Variants in RAB3GAP1 observed in about 807,000 individuals in gnomAD.
The protein encoded by RAB3GAP1 is rab3 GTPase-activating protein catalytic subunit.
In RAB3GAP1, 86 loss-of-function variants were observed where a neutral mutation model predicts 130.7. That is an observed-to-expected ratio of 0.66 (90% CI 0.55 to 0.79). The LOEUF is 0.79. Ranked by LOEUF, RAB3GAP1 falls within the 30% of genes least tolerant of loss-of-function variation. The probability of loss-of-function intolerance (pLI) is 0.00; values close to 1 mark genes in which losing one functional copy is unlikely to be tolerated. For missense variants in RAB3GAP1, 1,029 were observed against 1,169.4 expected, an observed-to-expected ratio of 0.88 and a Z score of 1.75; for synonymous variants, 367 against 401.7, an observed-to-expected ratio of 0.91 and a Z score of 1.03.
chr2:135,108,035 T>TGC (rs1690684618), intron 5 of RAB3GAP1, among the ~76,000 whole-genome samples: 1 of 150,816 alleles, frequency 6.6e-6, no homozygotes, highest in African/African-American at 2.4e-5. Flanking sequence ...TTTTATGATT[T>TGC]GCCTATGTGA....
At chr2:135,154,247 A>G (rs2104984199) in intron 19 of RAB3GAP1, among the ~76,000 whole-genome samples, 1 of 152,346 alleles carries the variant, frequency 6.6e-6, no homozygotes, top group Middle Eastern at 3.4e-3. Context: ...TCTTAAGTGA[A>G]AAAGTAGAAA....
chr2:135,131,197 A>G (rs985449725), intron 13 of RAB3GAP1, among the ~76,000 whole-genome samples: 3 of 152,116 alleles, frequency 2.0e-5, no homozygotes, highest in South Asian at 2.1e-4. Flanking sequence ...TAGAAGATCA[A>G]CATGATTAGA....
intron 3 of RAB3GAP1, among the ~76,000 whole-genome samples, chr2:135,060,420 T>G (rs189947665): frequency 0.02 from 3,032 of 151,732 alleles, 60 homozygotes; most frequent in Middle Eastern, 0.16. Flanking sequence ...CCACCACACC[T>G]GGCTAATTTT....
chr2:135,117,610 C>A (rs1451910690), intron 7 of RAB3GAP1, among the ~76,000 whole-genome samples: 1 of 151,858 alleles, frequency 6.6e-6, no homozygotes, highest in East Asian at 1.9e-4. Flanking sequence ...TCTTCTGCTT[C>A]TTCTGCTTCT....
intron 3 of RAB3GAP1, among the ~76,000 whole-genome samples, chr2:135,071,292 C>T (rs1364589392): frequency 1.3e-5 from 2 of 152,154 alleles, no homozygotes; most frequent in East Asian, 1.9e-4. Context: ...TAACTTCATC[C>T]CCTGTCCAAA....
rs181614384 is a variant in RAB3GAP1, at chr2:135,107,445, T to C, written c.363-5706T>C. Among the ~76,000 whole-genome samples the C allele has an allele frequency of 4.5e-3, 683 of 152,026 alleles. 1 individual carries two copies. The highest frequency in any genetic ancestry group is 0.014 in the South Asian group (67 of 4,800). ...AAGGAAGGGGGAAGGAATGGAGTTA[T>C]ACTATATAAAATTGGTAGATTTTAC... is the stretch of plus-strand genomic sequence containing the variant. On this transcript the variant is annotated intron_variant, in intron 5 of 23. Coordinates refer to ENST00000264158, the MANE Select transcript of RAB3GAP1 (RefSeq NM_012233.3).
chr2:135,168,668 G>A lies in RAB3GAP1; in HGVS notation c.2833G>A (p.Val945Met). 6.2e-7 allele frequency: 1 copy of A among 1,614,190 alleles called. No individual in the cohort carries two copies. The highest frequency in any genetic ancestry group is 8.5e-7 in the Non-Finnish European group (1 of 1,180,028). Reference sequence around the variant, plus strand: ...CCGGGAATTCATTTTGCGCACCACTGTGCCGCGCCCTGCTCCCTACTCCAA... The same window carrying A: ...CCGGGAATTCATTTTGCGCACCACTATGCCGCGCCCTGCTCCCTACTCCAA... ...AGREFILRTT[V>M]PRPAPYSKAL... Residue 945 changes from valine to methionine, a missense_variant, in exon 24 of 24, where the codon GTG becomes ATG. Val to Met is a conservative substitution (Grantham distance 21). Transcript: ENST00000264158.
chr2:135,102,629 T>G (rs1690479431), intron 5 of RAB3GAP1, among the ~76,000 whole-genome samples: 1 of 152,212 alleles, frequency 6.6e-6, no homozygotes, highest in African/African-American at 2.4e-5. Context: ...GGTCTTTAGC[T>G]TTAGTCATGC....
chr2:135,164,510 C>A, intron 22 of RAB3GAP1, 84 bp from the exon 23 acceptor site: 1 of 1,069,586 alleles, frequency 9.3e-7, no homozygotes, highest in Admixed American at 1.8e-5. Context: ...AGGATTTGTC[C>A]ACAAAACTCC....
At chr2:135,171,851 A>C (rs1284460814), downstream of RAB3GAP1, among the ~76,000 whole-genome samples, 3 of 152,168 alleles carry the variant, frequency 2.0e-5, no homozygotes, top group Non-Finnish European at 2.9e-5. Flanking sequence ...ACTTGGGCAG[A>C]GACTGAAGTG....
intron 2 of RAB3GAP1, among the ~76,000 whole-genome samples, chr2:135,056,128 G>A (rs779029284): frequency 7.9e-5 from 12 of 151,944 alleles, no homozygotes; most frequent in Non-Finnish European, 1.5e-4. Context: ...GAGCCACCAC[G>A]CCCGGCCGAC....
At chr2:135,087,635 G>T (rs1169870582) in intron 3 of RAB3GAP1, among the ~76,000 whole-genome samples, 1 of 151,788 alleles carries the variant, frequency 6.6e-6, no homozygotes, top group African/African-American at 2.4e-5. Flanking sequence ...TTTTTTAATT[G>T]TAGTAAGGTA....
chr2:135,060,409 G>C (rs112569292), intron 3 of RAB3GAP1, among the ~76,000 whole-genome samples: 2 of 151,502 alleles, frequency 1.3e-5, no homozygotes, highest in Non-Finnish European at 2.9e-5. Flanking sequence ...ACAGGCACCC[G>C]CCACCACACC....
At chr2:135,088,744 C>G (rs1456927821) in intron 3 of RAB3GAP1, among the ~76,000 whole-genome samples, 1 of 150,070 alleles carries the variant, frequency 6.7e-6, no homozygotes, top group Non-Finnish European at 1.5e-5. Context: ...TCTTTGCCCA[C>G]TTTTTGATGG....
At chr2:135,126,495 A>G (rs771317752) in intron 10 of RAB3GAP1, 88 bp from the exon 11 acceptor site, 22 of 1,258,442 alleles carry the variant, frequency 1.7e-5, no homozygotes, top group East Asian at 7.0e-5. Flanking sequence ...TTGTCCTTCT[A>G]TGTTTTCATT....
chr2:135,081,361 T>TACATACAC (rs1689812778), intron 3 of RAB3GAP1, among the ~76,000 whole-genome samples: 1 of 71,270 alleles, frequency 1.4e-5, no homozygotes. Flanking sequence ...TATATATATA[T>TACATACAC]ACACACACGT....
At chr2:135,082,571 G>C (rs1043238316) in intron 3 of RAB3GAP1, among the ~76,000 whole-genome samples, 11 of 151,586 alleles carry the variant, frequency 7.3e-5, no homozygotes, top group African/African-American at 2.7e-4. Context: ...CTTCCAAGTT[G>C]CTGGGATTAC....
chr2:135,088,688 C>CAAA (rs1162700077), intron 3 of RAB3GAP1, among the ~76,000 whole-genome samples: 575 of 55,566 alleles, frequency 0.01, 8 homozygotes, highest in African/African-American at 0.024. Context: ...GACTCCATCT[C>CAAA]AAAAAAAAAA....
Position 135,120,936 on chromosome 2 carries a change from T to G in RAB3GAP1, c.748+18T>G, listed in dbSNP as rs201480336. 2.0e-6 allele frequency: 3 copies of G among 1,471,210 alleles called. No homozygotes were observed. The highest frequency in any genetic ancestry group is 1.9e-6 in the Non-Finnish European group (2 of 1,050,004). 91.1% of individuals were successfully genotyped at this position (1,471,210 alleles called of 1,614,324 possible). ...ACCTCCAGGTGAGATCATTTAGAAC[T>G]ATATTTAACTTACTGAATATAAATG... On this transcript the variant is annotated intron_variant, in intron 8 of 23. Transcript: ENST00000264158.
Sources: allele counts gnomAD v4.1 joint callset (sites outside exome capture counted in the v4.1 genomes callset), GRCh38; gene constraint gnomAD v4.1.1; transcripts MANE v1.5; gene names NCBI Gene and HGNC (gene_info 2026-07-23, HGNC 2026-07-21).